Variants in CD96 observed in about 807,000 individuals in gnomAD.
The protein encoded by CD96 is T-cell surface protein tactile.
Under a neutral mutation model 71.3 loss-of-function variants are expected in CD96, and 70 were observed. The ratio of observed to expected loss-of-function variants is 0.98; its 90% CI spans 0.81 to 1.20. The LOEUF is 1.20. CD96 is among the 50% of genes most tolerant of loss of function. The pLI is 0.00. For synonymous variants in CD96, 248 were observed against 233.0 expected, an observed-to-expected ratio of 1.06 and a Z score of -0.59; for missense variants, 742 against 677.5, an observed-to-expected ratio of 1.10 and a Z score of -1.06.
At chr3:111,582,768 T>C (rs1936526741) in intron 4 of CD96, among the ~76,000 whole-genome samples, 1 of 152,176 alleles carries the variant, frequency 6.6e-6, no homozygotes. Flanking sequence ...TTAGATCTCA[T>C]GAGACTTATT....
chr3:111,590,404 T>C (rs932055363), intron 5 of CD96, among the ~76,000 whole-genome samples: 1 of 152,238 alleles, frequency 6.6e-6, no homozygotes, highest in African/African-American at 2.4e-5. Context: ...CTGCTACCTG[T>C]TCACTACACT....
chr3:111,584,414 G>A (rs1328796844), intron 4 of CD96, among the ~76,000 whole-genome samples: 2 of 152,160 alleles, frequency 1.3e-5, no homozygotes, highest in Non-Finnish European at 2.9e-5. Context: ...TTCCAAAGTT[G>A]CATCCACATT....
At chr3:111,642,362 A>T (rs1440632766) in intron 12 of CD96, among the ~76,000 whole-genome samples, 2 of 152,242 alleles carry the variant, frequency 1.3e-5, no homozygotes, top group Non-Finnish European at 2.9e-5. Context: ...GGCTATTGTG[A>T]ACCCCTTTAT....
At chr3:111,614,938 A>G (rs755849011) in intron 8 of CD96, among the ~76,000 whole-genome samples, 1 of 152,202 alleles carries the variant, frequency 6.6e-6, no homozygotes, top group Non-Finnish European at 1.5e-5. Flanking sequence ...AGGACCCTTC[A>G]AAGGAACTCT....
At chr3:111,576,022 G>A (rs1048810673) in intron 3 of CD96, among the ~76,000 whole-genome samples, 2 of 152,150 alleles carry the variant, frequency 1.3e-5, no homozygotes, top group Non-Finnish European at 2.9e-5. Flanking sequence ...GAGATAGCAG[G>A]TTGATCATAG....
intron 10 of CD96, among the ~76,000 whole-genome samples, chr3:111,630,598 A>G (rs537088784): frequency 1.3e-5 from 2 of 152,212 alleles, no homozygotes; most frequent in Non-Finnish European, 2.9e-5. Flanking sequence ...AACTGGTACC[A>G]TTCCTACTGA....
chr3:111,579,974 A>C (rs1936394262), intron 4 of CD96, among the ~76,000 whole-genome samples: 1 of 152,246 alleles, frequency 6.6e-6, no homozygotes, highest in Non-Finnish European at 1.5e-5. Context: ...CTTTAATTGT[A>C]ACTGCCAAAA....
intron 10 of CD96, among the ~76,000 whole-genome samples, chr3:111,635,637 G>A (rs976922869): frequency 6.6e-6 from 1 of 152,126 alleles, no homozygotes; most frequent in Non-Finnish European, 1.5e-5. Flanking sequence ...AAAACTATTA[G>A]TGTCCACACA....
chr3:111,627,634 G>A (rs1023440220), intron 10 of CD96, among the ~76,000 whole-genome samples: 1 of 152,232 alleles, frequency 6.6e-6, no homozygotes, highest in Non-Finnish European at 1.5e-5. Context: ...ACATAGCACA[G>A]CTGCTCTACC....
At chr3:111,572,016 A>C (rs1936006286) in intron 3 of CD96, among the ~76,000 whole-genome samples, 2 of 152,226 alleles carry the variant, frequency 1.3e-5, no homozygotes, top group Admixed American at 1.3e-4. Flanking sequence ...CATTCATGCA[A>C]GTGCAGAAAC....
intron 8 of CD96, among the ~76,000 whole-genome samples, chr3:111,612,461 T>A (rs1218690138): frequency 6.6e-6 from 1 of 152,244 alleles, no homozygotes; most frequent in African/African-American, 2.4e-5. Flanking sequence ...AGCAATAATA[T>A]TAATATTTGT....
intron 7 of CD96, among the ~76,000 whole-genome samples, chr3:111,605,571 C>A (rs1937599293): frequency 6.6e-6 from 1 of 152,136 alleles, no homozygotes; most frequent in South Asian, 2.1e-4. Context: ...TTAACCTATT[C>A]ATATACTTCC....
chr3:111,611,517 T>C (rs1355592543), intron 8 of CD96, among the ~76,000 whole-genome samples: 1 of 152,196 alleles, frequency 6.6e-6, no homozygotes, highest in Non-Finnish European at 1.5e-5. Flanking sequence ...GCTCCAGTGA[T>C]TTGTTTGTGA....
intron 12 of CD96, among the ~76,000 whole-genome samples, chr3:111,639,390 C>T (rs1939490437): frequency 6.6e-6 from 1 of 152,114 alleles, no homozygotes; most frequent in Non-Finnish European, 1.5e-5. Context: ...CTGCATGATT[C>T]AGCAAAGGCA....
At position 111,624,395 on chromosome 3, in the gene CD96, A is replaced by G. The variant is rs758310055; in HGVS notation, c.1312A>G (p.Thr438Ala). The part of the protein sequence containing the change: ...NYPWTSSGTD[T>A]KKSVSRIPSE... Reference sequence around the variant, plus strand: ...TCCCTGGACCTCCAGTGGGACAGATACCAAAAAATGTTAAGTATAATCGTG... The same window carrying G: ...TCCCTGGACCTCCAGTGGGACAGATGCCAAAAAATGTTAAGTATAATCGTG... Residue 438 changes from threonine to alanine, a missense_variant, in exon 10 of 14, where the codon ACC (threonine) becomes GCC (alanine). Thr to Ala is a moderately conservative substitution (Grantham distance 58). Transcript: ENST00000352690. The G allele has an allele frequency of 1.2e-6, 2 of 1,602,354 alleles. No homozygotes were observed. Among genetic ancestry groups the G allele is most frequent in the Middle Eastern group, 1.7e-4 (1 of 6,034 alleles).
At chr3:111,621,541 A>G (rs958778808) in intron 8 of CD96, among the ~76,000 whole-genome samples, 3 of 152,232 alleles carry the variant, frequency 2.0e-5, no homozygotes, top group Non-Finnish European at 4.4e-5. Flanking sequence ...ACAATACAGA[A>G]TTTTGAAAAG....
intron 12 of CD96, among the ~76,000 whole-genome samples, chr3:111,642,937 T>C (rs1263775404): frequency 6.6e-6 from 1 of 151,636 alleles, no homozygotes; most frequent in Non-Finnish European, 1.5e-5. Context: ...ATCCACAAGA[T>C]AGAGAAAGAA....
chr3:111,577,528 C>A lies in CD96; in HGVS notation c.544-1499C>A, dbSNP rs1206354775. ...AAAACAGCAGCACGGATTCTTGGGT[C>A]CTTCTTTCTAAGGGTATAAAGGTAT... On this transcript the variant is annotated intron_variant, in intron 3 of 13. Coordinates refer to ENST00000352690, the MANE Select transcript of CD96 (RefSeq NM_005816.5). The A allele has an allele frequency of 1.2e-6, 2 of 1,606,920 alleles. No homozygotes were observed. Among genetic ancestry groups the A allele is most frequent in the Admixed American group, 3.3e-5 (2 of 60,008 alleles).
intron 8 of CD96, among the ~76,000 whole-genome samples, chr3:111,610,255 G>GA (rs1937849780): frequency 6.6e-6 from 1 of 152,212 alleles, no homozygotes. Context: ...AATTACTATT[G>GA]AAAAATCCAA....
Sources: gnomAD v4.1 joint callset for allele counts (sites outside exome capture counted in the v4.1 genomes callset) on GRCh38, gnomAD v4.1.1 for gene constraint, MANE v1.5 for transcripts, NCBI Gene and HGNC (gene_info 2026-07-23, HGNC 2026-07-21) for gene names.